Variants in ST6GALNAC3 observed in about 807,000 individuals in gnomAD.
The protein encoded by ST6GALNAC3 is alpha-N-acetylgalactosaminide alpha-2,6-sialyltransferase 3.
A neutral mutation model predicts 32.7 loss-of-function variants in ST6GALNAC3; 25 were observed. The ratio of observed to expected loss-of-function variants is 0.76; its 90% CI spans 0.56 to 1.07. The LOEUF is 1.07. Among genes scored for constraint, ST6GALNAC3 ranks in the 50% least tolerant of loss-of-function variants. The pLI is 0.00. For missense variants in ST6GALNAC3, 355 were observed against 382.4 expected (o/e 0.93, Z 0.60); for synonymous variants, 129 against 133.1 (o/e 0.97, Z 0.21).
intron 3 of ST6GALNAC3, among the ~76,000 whole-genome samples, chr1:76,482,994 C>A (rs1012432473): frequency 2.7e-5 from 4 of 150,716 alleles, no homozygotes; most frequent in African/African-American, 9.8e-5. Context: ...TTTGTCCTTG[C>A]GACAGTTTGC....
intron 1 of ST6GALNAC3, among the ~76,000 whole-genome samples, chr1:76,264,619 T>A (rs1253317404): frequency 1.3e-5 from 2 of 152,282 alleles, no homozygotes; most frequent in East Asian, 3.9e-4. Flanking sequence ...AGTAGCTCAG[T>A]AGGAGGAGGG....
chr1:76,307,887 A>C (rs1476543054), intron 1 of ST6GALNAC3: 1 of 516,066 alleles, frequency 1.9e-6, no homozygotes, highest in Non-Finnish European at 3.9e-6. Flanking sequence ...TTATTTTGGA[A>C]TAGGTATTTC....
At chr1:76,550,858 C>T (rs961515777) in intron 3 of ST6GALNAC3, among the ~76,000 whole-genome samples, 1 of 152,148 alleles carries the variant, frequency 6.6e-6, no homozygotes, top group Non-Finnish European at 1.5e-5. Context: ...CGGGTTCAAG[C>T]GATTTTCCTG....
intron 1 of ST6GALNAC3, among the ~76,000 whole-genome samples, chr1:76,135,744 A>C (rs918005996): frequency 6.6e-6 from 1 of 152,208 alleles, no homozygotes; most frequent in African/African-American, 2.4e-5. Context: ...CAACTTCTTC[A>C]AAGCCTAATT....
In ST6GALNAC3 at chr1:76,628,684, T is replaced by C. The variant is rs553966876; in HGVS notation, c.796T>C (p.Tyr266His). 3.1e-6 allele frequency: 5 copies of C among 1,612,224 alleles called. No individual in the cohort carries two copies. The highest frequency in any genetic ancestry group is 2.7e-5 in the African/African-American group (2 of 74,770). ...YEQGRDECDEYFLHEHAPYGG... is the reference protein window; with the variant it reads ...YEQGRDECDEHFLHEHAPYGG... ...ACAAGGAAGAGATGAGTGTGATGAA[T>C]ATTTTCTTCATGAACATGCCCCATA... The change falls in exon 5 of 5, where the codon TAT becomes CAT. Residue 266 changes from tyrosine (Y) to histidine (H), a missense_variant. Coordinates refer to ENST00000328299, the MANE Select transcript of ST6GALNAC3 (RefSeq NM_152996.4).
intron 2 of ST6GALNAC3, among the ~76,000 whole-genome samples, chr1:76,378,545 C>T (rs1189541450): frequency 1.3e-5 from 2 of 151,806 alleles, no homozygotes; most frequent in Non-Finnish European, 2.9e-5. Context: ...GCCTGTAATC[C>T]CAGCTACTCA....
intron 2 of ST6GALNAC3, among the ~76,000 whole-genome samples, chr1:76,384,990 G>T (rs1037237398): frequency 2.6e-5 from 4 of 152,038 alleles, no homozygotes; most frequent in Admixed American, 1.3e-4. Flanking sequence ...AGCAAACAAA[G>T]CCAGATGCAG....
intron 1 of ST6GALNAC3, among the ~76,000 whole-genome samples, chr1:76,086,825 C>T (rs1646971476): frequency 6.6e-6 from 1 of 152,168 alleles, no homozygotes; most frequent in Non-Finnish European, 1.5e-5. Context: ...TGTCATCCCT[C>T]ACACCTTTGC....
At chr1:76,520,159 G>A (rs1662423637) in intron 3 of ST6GALNAC3, among the ~76,000 whole-genome samples, 1 of 151,868 alleles carries the variant, frequency 6.6e-6, no homozygotes, top group Non-Finnish European at 1.5e-5. Flanking sequence ...AATTGATTAT[G>A]TCTTGATGGA....
At chr1:76,371,632 T>C (rs573863290) in intron 2 of ST6GALNAC3, among the ~76,000 whole-genome samples, 2 of 152,312 alleles carry the variant, frequency 1.3e-5, no homozygotes, top group African/African-American at 4.8e-5. Flanking sequence ...CAGTAGCGAG[T>C]CCGAGATTCT....
chr1:76,201,606 T>C (rs907346406), intron 1 of ST6GALNAC3, among the ~76,000 whole-genome samples: 1 of 151,766 alleles, frequency 6.6e-6, no homozygotes, highest in African/African-American at 2.4e-5. Flanking sequence ...AATAATAGCT[T>C]CCCTGCTTAG....
chr1:76,177,842 G>A (rs985384843), intron 1 of ST6GALNAC3, among the ~76,000 whole-genome samples: 3 of 152,136 alleles, frequency 2.0e-5, no homozygotes, highest in East Asian at 1.9e-4. Context: ...TAGCCCAGCC[G>A]TGCTCCACGG....
At chr1:76,156,948 G>A (rs937909812) in intron 1 of ST6GALNAC3, among the ~76,000 whole-genome samples, 3 of 152,156 alleles carry the variant, frequency 2.0e-5, no homozygotes, top group East Asian at 1.9e-4. Flanking sequence ...AGCCAGGATG[G>A]TCTCAATCTT....
intron 3 of ST6GALNAC3, among the ~76,000 whole-genome samples, chr1:76,533,137 C>T (rs373705201): frequency 2.8e-4 from 42 of 152,188 alleles, no homozygotes; most frequent in African/African-American, 9.2e-4. Flanking sequence ...AATAGAGATC[C>T]GGGAGTTACA....
At chr1:76,170,450 G>A (rs1283493405) in intron 1 of ST6GALNAC3, among the ~76,000 whole-genome samples, 2 of 152,172 alleles carry the variant, frequency 1.3e-5, no homozygotes, top group African/African-American at 2.4e-5. Flanking sequence ...TCAGCATGGG[G>A]GAGGACTGTT....
chr1:76,163,480 TG>T (rs1651934599), intron 1 of ST6GALNAC3, among the ~76,000 whole-genome samples: 1 of 152,210 alleles, frequency 6.6e-6, no homozygotes, highest in African/African-American at 2.4e-5. Context: ...TGTATAATCT[TG>T]GGCAAGTCAT....
At chr1:76,463,628 A>T (rs1658431203) in intron 3 of ST6GALNAC3, among the ~76,000 whole-genome samples, 1 of 152,162 alleles carries the variant, frequency 6.6e-6, no homozygotes, top group Non-Finnish European at 1.5e-5. Context: ...CTGGGGTTAT[A>T]AAAAATGAAT....
chr1:76,601,077 A>C (rs367609033), intron 3 of ST6GALNAC3, among the ~76,000 whole-genome samples: 1 of 152,252 alleles, frequency 6.6e-6, no homozygotes, highest in East Asian at 1.9e-4. Flanking sequence ...GCTTGCCTGT[A>C]GTCCCAGATA....
chr1:76,465,776 A>G (rs540150330), intron 3 of ST6GALNAC3, among the ~76,000 whole-genome samples: 1 of 150,998 alleles, frequency 6.6e-6, no homozygotes, highest in African/African-American at 2.4e-5. Flanking sequence ...TTTCCTCATT[A>G]TTTCTCTCTC....
Sources: gnomAD v4.1 joint callset for allele counts (sites outside exome capture counted in the v4.1 genomes callset) on GRCh38, gnomAD v4.1.1 for gene constraint, MANE v1.5 for transcripts, NCBI Gene and HGNC (gene_info 2026-07-23, HGNC 2026-07-21) for gene names.